Variants in PRKG1 observed in about 807,000 individuals in gnomAD.
The protein encoded by PRKG1 is cGMP-dependent protein kinase 1.
PRKG1 carries 35 observed loss-of-function variants against 88.1 expected under a neutral mutation model. The observed-to-expected ratio is 0.40, with a 90% CI of 0.30 to 0.53. The LOEUF is 0.53. Ranked by LOEUF, PRKG1 falls within the 20% of genes least tolerant of loss-of-function variation. The pLI is 0.59. For missense variants in PRKG1, 540 were observed against 839.8 expected (o/e 0.64, Z 4.41); for synonymous variants, 303 against 292.5 (o/e 1.04, Z -0.37).
At chr10:52,243,548 C>T (rs956461700) in intron 9 of PRKG1, among the ~76,000 whole-genome samples, 1 of 152,124 alleles carries the variant, frequency 6.6e-6, no homozygotes, top group Admixed American at 6.6e-5. Context: ...TGACTCTCTG[C>T]TGTCATGTTT....
chr10:52,042,462 C>T (rs1589551063), intron 5 of PRKG1, among the ~76,000 whole-genome samples: 1 of 151,982 alleles, frequency 6.6e-6, no homozygotes, highest in Admixed American at 6.6e-5. Context: ...GCCAAGAGCA[C>T]ACATTGGGGA....
At chr10:52,060,035 C>A in intron 6 of PRKG1, among the ~76,000 whole-genome samples, 1 of 151,510 alleles carries the variant, frequency 6.6e-6, no homozygotes, top group South Asian at 2.1e-4. Flanking sequence ...ATATCAAGAC[C>A]TATTATAAGG....
At chr10:51,968,820 CAAA>C (rs56810665) in intron 5 of PRKG1, among the ~76,000 whole-genome samples, 243 of 105,466 alleles carry the variant, frequency 2.3e-3, no homozygotes, top group African/African-American at 6.1e-3. Flanking sequence ...AAAACTCCAT[CAAA>C]AAAAAAAAAA....
chr10:52,135,684 G>C (rs567133258), intron 8 of PRKG1, among the ~76,000 whole-genome samples: 1 of 152,178 alleles, frequency 6.6e-6, no homozygotes, highest in Non-Finnish European at 1.5e-5. Context: ...AATCAGTTTG[G>C]TAGGTACGAT....
chr10:51,774,225 C>T (rs905536550), intron 3 of PRKG1, among the ~76,000 whole-genome samples: 2 of 152,068 alleles, frequency 1.3e-5, no homozygotes, highest in African/African-American at 4.8e-5. Context: ...TAAACTCAGG[C>T]TTCTTTAGCT....
At chr10:52,100,470 C>T (rs969358901) in intron 7 of PRKG1, among the ~76,000 whole-genome samples, 4 of 152,118 alleles carry the variant, frequency 2.6e-5, no homozygotes, top group South Asian at 2.1e-4. Context: ...GTTTTTCTGC[C>T]GAGTTAGCTG....
chr10:52,153,956 G>T (rs1294327335), intron 8 of PRKG1, among the ~76,000 whole-genome samples: 1 of 152,034 alleles, frequency 6.6e-6, no homozygotes, highest in African/African-American at 2.4e-5. Flanking sequence ...TGTTGGTCAG[G>T]CTGGTCTCGA....
At chr10:51,763,284 C>A (rs575107341) in intron 3 of PRKG1, among the ~76,000 whole-genome samples, 4 of 152,010 alleles carry the variant, frequency 2.6e-5, no homozygotes, top group South Asian at 2.1e-4. Flanking sequence ...AAGGCTAGAG[C>A]GTGGTGGCAC....
chr10:52,032,072 G>A (rs992769381), intron 5 of PRKG1, among the ~76,000 whole-genome samples: 15 of 152,254 alleles, frequency 9.9e-5, no homozygotes, highest in South Asian at 6.2e-4. Flanking sequence ...AGCAATTTAA[G>A]TTTTTGAGCA....
chr10:52,169,096 T>C (rs1442144072), intron 9 of PRKG1, among the ~76,000 whole-genome samples: 1 of 152,070 alleles, frequency 6.6e-6, no homozygotes, highest in Non-Finnish European at 1.5e-5. Context: ...TTGATGAATG[T>C]TAGCATTTAA....
intron 2 of PRKG1, among the ~76,000 whole-genome samples, chr10:51,439,411 T>C (rs1249292502): frequency 6.6e-6 from 1 of 151,890 alleles, no homozygotes; most frequent in Admixed American, 6.6e-5. Context: ...TACTTTTTAC[T>C]ACTACTTAAC....
At chr10:52,154,803 C>A (rs550514073) in intron 8 of PRKG1, among the ~76,000 whole-genome samples, 1 of 152,210 alleles carries the variant, frequency 6.6e-6, no homozygotes, top group East Asian at 1.9e-4. Context: ...CACTTCCACC[C>A]TTCTCCCCTG....
intron 2 of PRKG1, among the ~76,000 whole-genome samples, chr10:51,185,657 A>G (rs1476002340): frequency 6.6e-6 from 1 of 151,930 alleles, no homozygotes; most frequent in Non-Finnish European, 1.5e-5. Flanking sequence ...TACACAGTTC[A>G]TGATGTTCAA....
intron 1 of PRKG1, among the ~76,000 whole-genome samples, chr10:51,008,310 G>T (rs765820119): frequency 6.6e-6 from 1 of 152,172 alleles, no homozygotes; most frequent in Non-Finnish European, 1.5e-5. Context: ...ACTGCAAGAA[G>T]GGTGACTATA....
chr10:51,213,765 G>A (rs1279359293), intron 2 of PRKG1, among the ~76,000 whole-genome samples: 1 of 151,632 alleles, frequency 6.6e-6, no homozygotes, highest in Non-Finnish European at 1.5e-5. Flanking sequence ...GAAGTGTGTG[G>A]GTGTGTGTGT....
chr10:51,426,000 G>C (rs293329), intron 2 of PRKG1, among the ~76,000 whole-genome samples: 1 of 152,196 alleles, frequency 6.6e-6, no homozygotes, highest in Admixed American at 6.5e-5. Flanking sequence ...AGGCAGCTAG[G>C]AGCGGTGGCT....
At chr10:51,580,716 T>C (rs1589103166) in intron 3 of PRKG1, among the ~76,000 whole-genome samples, 2 of 71,786 alleles carry the variant, frequency 2.8e-5, no homozygotes, top group South Asian at 8.6e-4. Flanking sequence ...AATTATATTC[T>C]TTTTTTTTGT....
In PRKG1 at chr10:51,835,995, T is replaced by C. The variant is rs185748991; in HGVS notation, c.698+31305T>C. On this transcript the variant is annotated intron_variant, in intron 4 of 17. Transcript: ENST00000373980. Reference sequence around the variant, plus strand: ...TCTCTGTGATTAGAGATGTTGAGCATTTTTTTTATGTAACTGTTGCCACTT... The same window carrying C: ...TCTCTGTGATTAGAGATGTTGAGCACTTTTTTTATGTAACTGTTGCCACTT... Among the ~76,000 whole-genome samples, 70 of 152,184 alleles carry C rather than the reference T, an allele frequency of 4.6e-4. 1 individual carries two copies. The East Asian group carries it at 0.011, about 23-fold the overall frequency.
At chr10:52,083,300 A>G (rs529777708) in intron 7 of PRKG1, among the ~76,000 whole-genome samples, 2 of 152,212 alleles carry the variant, frequency 1.3e-5, no homozygotes, top group African/African-American at 4.8e-5. Flanking sequence ...CAATTCCATT[A>G]ATTGATTTTT....
Sources: gnomAD v4.1 joint callset for allele counts (sites outside exome capture counted in the v4.1 genomes callset) on GRCh38, gnomAD v4.1.1 for gene constraint, MANE v1.5 for transcripts, NCBI Gene and HGNC (gene_info 2026-07-23, HGNC 2026-07-21) for gene names.